KIF6: variants seen among roughly 807,000 people sequenced by gnomAD.
KIF6 encodes the protein kinesin-like protein KIF6.
KIF6 carries 106 observed loss-of-function variants against 112.7 expected under a neutral mutation model. The observed-to-expected ratio is 0.94, with a 90% confidence interval of 0.80 to 1.11. The LOEUF is 1.11. Among genes scored for constraint, KIF6 ranks in the 50% least tolerant of loss-of-function variants. The pLI is 0.00. For missense variants in KIF6, 929 were observed against 964.0 expected, an observed-to-expected ratio of 0.96 and a Z score of 0.48; for synonymous variants, 339 against 339.9, an observed-to-expected ratio of 1.00 and a Z score of 0.03.
At chr6:39,339,016 A>G (rs1296315151) in intron 22 of KIF6, among the ~76,000 whole-genome samples, 1 of 152,094 alleles carries the variant, frequency 6.6e-6, no homozygotes, top group Non-Finnish European at 1.5e-5. Flanking sequence ...GCCCCAAGAC[A>G]TAGCTCCTTA....
At chr6:39,720,649 AGAGT>A in intron 2 of KIF6, 49 bp downstream of exon 2, 4 of 920,426 alleles carry the variant, frequency 4.3e-6, no homozygotes, top group Non-Finnish European at 7.2e-6. Flanking sequence ...ATGCAGTACA[AGAGT>A]TAGTTCAATA....
At chr6:39,430,568 C>T (rs1257938686) in intron 14 of KIF6, among the ~76,000 whole-genome samples, 2 of 152,328 alleles carry the variant, frequency 1.3e-5, no homozygotes, top group East Asian at 3.9e-4. Context: ...AACATGTCAG[C>T]AGATAATCCT....
intron 3 of KIF6, among the ~76,000 whole-genome samples, chr6:39,647,929 T>C (rs1785254828): frequency 6.6e-6 from 1 of 152,002 alleles, no homozygotes; most frequent in Admixed American, 6.6e-5. Flanking sequence ...CAGGCTGGTC[T>C]TGAACTCCTG....
chr6:39,477,505 C>A (rs57000749), intron 13 of KIF6, among the ~76,000 whole-genome samples: 1 of 152,012 alleles, frequency 6.6e-6, no homozygotes, highest in Non-Finnish European at 1.5e-5. Context: ...TGGTTCTCTG[C>A]ATAATGGAAT....
At chr6:39,390,781 G>T (rs1327964524) in intron 15 of KIF6, among the ~76,000 whole-genome samples, 1 of 152,196 alleles carries the variant, frequency 6.6e-6, no homozygotes, top group Non-Finnish European at 1.5e-5. Flanking sequence ...GAAATGGAAG[G>T]TCTAGTTAGA....
chr6:39,442,102 A>T (rs899454987), intron 13 of KIF6, among the ~76,000 whole-genome samples: 12 of 152,178 alleles, frequency 7.9e-5, no homozygotes, highest in Non-Finnish European at 1.0e-4. Context: ...GGCAACCCAC[A>T]CTGGCCCAGC....
chr6:39,356,383 AG>A (rs1320742104), intron 19 of KIF6, among the ~76,000 whole-genome samples: 1 of 151,844 alleles, frequency 6.6e-6, no homozygotes, highest in Admixed American at 6.6e-5. Flanking sequence ...CTCCTGCCTC[AG>A]CCCCCCAAGT....
intron 3 of KIF6, among the ~76,000 whole-genome samples, chr6:39,663,154 A>G (rs368905073): frequency 9.7e-4 from 147 of 152,320 alleles, no homozygotes; most frequent in African/African-American, 3.0e-3. Flanking sequence ...TCGTCCTCCC[A>G]AAGTGTGCCT....
At position 39,725,319 on chromosome 6, in the gene KIF6, T is replaced by C; in HGVS notation, c.-9A>G. On this transcript the variant is annotated 5_prime_UTR_variant, in exon 1 of 23. Transcript: ENST00000287152. ...ATAGTCTGCTTCACCATCTCCTCCC[T>C]GGCTCTGCAATGACCCTTGACCTCT... is the stretch of plus-strand genomic sequence containing the variant. The C allele has an allele frequency of 6.2e-7, 1 of 1,606,292 alleles. No homozygotes were observed. Among genetic ancestry groups the C allele is most frequent in the Non-Finnish European group, 8.5e-7 (1 of 1,176,844 alleles).
At chr6:39,346,790 A>G (rs1763842935) in intron 19 of KIF6, among the ~76,000 whole-genome samples, 1 of 152,098 alleles carries the variant, frequency 6.6e-6, no homozygotes, top group African/African-American at 2.4e-5. Context: ...TGGGATTACA[A>G]GCATGCATCA....
intron 3 of KIF6, among the ~76,000 whole-genome samples, chr6:39,695,514 A>C (rs1003165114): frequency 2.6e-5 from 4 of 152,180 alleles, no homozygotes. Flanking sequence ...CACTTCTCAA[A>C]AGAAGATATA....
In KIF6 at chr6:39,702,343, A is replaced by G. The variant is rs532737015; in HGVS notation, c.251+12349T>C. Among the ~76,000 whole-genome samples the G allele has an allele frequency of 1.5e-4, 23 of 152,210 alleles. No homozygotes were observed. In the South Asian group the frequency reaches 3.3e-3, roughly 22 times the overall value. ...AGCCCCTAGATTGACCTCCTATACC[A>G]TAAGCAGGCAGCCTTTGTTTTGCTG... On this transcript the variant is annotated intron_variant, in intron 3 of 22. Transcript: ENST00000287152.
intron 5 of KIF6, among the ~76,000 whole-genome samples, chr6:39,624,103 T>C (rs1015117368): frequency 6.6e-6 from 1 of 152,216 alleles, no homozygotes; most frequent in Non-Finnish European, 1.5e-5. Flanking sequence ...TTTTATGAGA[T>C]GACTGCAGCT....
chr6:39,445,670 G>A (rs533842658), intron 13 of KIF6, among the ~76,000 whole-genome samples: 8 of 152,298 alleles, frequency 5.3e-5, no homozygotes, highest in African/African-American at 1.7e-4. Flanking sequence ...GCAGAGAAGC[G>A]GGTGGTCAGA....
intron 3 of KIF6, among the ~76,000 whole-genome samples, chr6:39,655,003 C>T (rs1404623396): frequency 6.6e-6 from 1 of 152,176 alleles, no homozygotes; most frequent in Non-Finnish European, 1.5e-5. Context: ...AGTAGGTATA[C>T]ATTCAGTTTT....
chr6:39,589,786 G>A lies in KIF6; in HGVS notation c.847-3382C>T, dbSNP rs569595931. On this transcript the variant is annotated intron_variant, in intron 7 of 22. Coordinates refer to ENST00000287152, the MANE Select transcript of KIF6 (RefSeq NM_145027.6). ...TAGTACTTTGCAGAGCAGTTTAGTGGTGTGGTTAGGTGTGTCTCCTGGTTG... is the reference window on the plus strand; with the variant it reads ...TAGTACTTTGCAGAGCAGTTTAGTGATGTGGTTAGGTGTGTCTCCTGGTTG... Among the ~76,000 whole-genome samples the A allele has an allele frequency of 2.6e-5, 4 of 152,306 alleles. No individual in the cohort carries two copies. In the South Asian group the frequency reaches 6.2e-4, roughly 24 times the overall value.
intron 13 of KIF6, among the ~76,000 whole-genome samples, chr6:39,523,891 C>T (rs938357299): frequency 6.6e-6 from 1 of 151,596 alleles, no homozygotes; most frequent in Non-Finnish European, 1.5e-5. Flanking sequence ...ACTCCAACAC[C>T]TTGTACAGTG....
rs200986659 is a variant in KIF6, at chr6:39,559,291, A to AT, written c.1182-13604dup. 2.1e-4 allele frequency among the ~76,000 whole-genome samples: 32 copies of AT among 151,064 alleles called. No individual in the cohort carries two copies. In the East Asian group the frequency reaches 3.9e-3, roughly 18 times the overall value. ...ACTAAGTTAGCAGATAATCTGCTAAATTTTTTTTTTAAAACTGCCCAATTA... is the reference window on the plus strand; with the variant it reads ...ACTAAGTTAGCAGATAATCTGCTAAATTTTTTTTTTTAAAACTGCCCAATTA... On this transcript the variant is annotated intron_variant, in intron 10 of 22. Transcript: ENST00000287152.
intron 6 of KIF6, among the ~76,000 whole-genome samples, chr6:39,608,378 G>T (rs1315209147): frequency 6.6e-6 from 1 of 152,192 alleles, no homozygotes; most frequent in Non-Finnish European, 1.5e-5. Context: ...TTAGCCTACA[G>T]TTGGGCAAAA....
Sources: allele counts gnomAD v4.1 joint callset (sites outside exome capture counted in the v4.1 genomes callset), GRCh38; gene constraint gnomAD v4.1.1; transcripts MANE v1.5; gene names NCBI Gene and HGNC (gene_info 2026-07-23, HGNC 2026-07-21).